The following PAX8 variants were observed in gnomAD, a reference collection of about 807,000 sequenced individuals.
PAX8 encodes paired box protein Pax-8.
In PAX8, 15 loss-of-function variants were observed where a neutral mutation model predicts 52.4. The observed-to-expected ratio is 0.29, with a 90% CI of 0.19 to 0.44. The LOEUF is 0.44. Among genes scored for constraint, PAX8 ranks in the 20% least tolerant of loss-of-function variants. The pLI is 1.00. For missense variants in PAX8, 554 were observed against 602.5 expected (o/e 0.92, Z 0.84); for synonymous variants, 284 against 249.7 (o/e 1.14, Z -1.29).
intron 10 of PAX8, among the ~76,000 whole-genome samples, chr2:113,221,012 G>A (rs1336618750): frequency 6.6e-6 from 1 of 152,096 alleles, no homozygotes; most frequent in South Asian, 2.1e-4. Context: ...AGCTACTACC[G>A]GTGCTTGGTA....
chr2:113,242,634 G>T, intron 5 of PAX8, 56 bp downstream of exon 5: 1 of 1,161,000 alleles, frequency 8.6e-7, no homozygotes, highest in Non-Finnish European at 1.3e-6. Flanking sequence ...ATGTGGGTAT[G>T]CTGAAGGGGA....
intron 2 of PAX8, among the ~76,000 whole-genome samples, chr2:113,262,507 A>C (rs1432772418): frequency 1.3e-5 from 2 of 152,198 alleles, no homozygotes; most frequent in Admixed American, 1.3e-4. Context: ...CTGAGAGTCA[A>C]GTCAGGGCTG....
At chr2:113,261,054 A>G (rs961440721) in intron 2 of PAX8, among the ~76,000 whole-genome samples, 7 of 152,240 alleles carry the variant, frequency 4.6e-5, no homozygotes, top group African/African-American at 1.7e-4. Flanking sequence ...AAAACCGTGC[A>G]TCTGTTGTTT....
At chr2:113,225,339 G>A (rs148423219) in intron 10 of PAX8, among the ~76,000 whole-genome samples, 189 of 152,246 alleles carry the variant, frequency 1.2e-3, no homozygotes, top group Admixed American at 3.1e-3. Flanking sequence ...TTAATTGCAG[G>A]AGTCCCCATT....
intron 7 of PAX8, chr2:113,237,995 G>T (rs1690506002): frequency 6.6e-6 from 1 of 151,756 alleles, no homozygotes; most frequent in Non-Finnish European, 1.5e-5. Flanking sequence ...AGCAATTATT[G>T]ACTAAATGGT....
intron 7 of PAX8, chr2:113,240,107 G>A (rs1475648094): frequency 4.6e-5 from 7 of 152,254 alleles, no homozygotes; most frequent in Admixed American, 4.6e-4. Flanking sequence ...TCACTGAGTG[G>A]CTGGTGCCTG....
chr2:113,245,351 C>T (rs1025767087), intron 3 of PAX8, among the ~76,000 whole-genome samples: 1 of 152,166 alleles, frequency 6.6e-6, no homozygotes, highest in African/African-American at 2.4e-5. Context: ...CAGCCAATGA[C>T]TGACTATTTT....
intron 2 of PAX8, among the ~76,000 whole-genome samples, chr2:113,250,503 C>T (rs1439319706): frequency 6.6e-6 from 1 of 152,122 alleles, no homozygotes; most frequent in South Asian, 2.1e-4. Flanking sequence ...GCACAATGCC[C>T]TAAGTTTCTG....
intron 9 of PAX8, among the ~76,000 whole-genome samples, chr2:113,231,055 GA>G (rs1283042526): frequency 1.3e-5 from 2 of 152,214 alleles, no homozygotes; most frequent in Non-Finnish European, 2.9e-5. Flanking sequence ...TTGCCTGGAG[GA>G]ATTCAGAGGG....
intron 3 of PAX8, among the ~76,000 whole-genome samples, chr2:113,245,701 C>G (rs1268165848): frequency 6.6e-6 from 1 of 152,174 alleles, no homozygotes. Context: ...ACTCTCTGCT[C>G]TCATCTGCAT....
At chr2:113,236,810 G>C in intron 7 of PAX8, 89 bp from the exon 8 acceptor site, 1 of 1,466,074 alleles carries the variant, frequency 6.8e-7, no homozygotes, top group South Asian at 1.3e-5. Flanking sequence ...GGACTTGGCA[G>C]CCCTCATCTC....
At position 113,225,824 on chromosome 2, in the gene PAX8, G is replaced by A. The variant is rs914999753; in HGVS notation, c.1189+1331C>T. The A allele has an allele frequency of 1.6e-5, 12 of 767,178 alleles. No homozygotes were observed. In the African/African-American group the frequency reaches 2.3e-4, roughly 14 times the overall value. The allele number at this position is 767,178 out of a possible 1,614,324, so 47.5% of individuals were successfully genotyped here. A position where few individuals can be genotyped will look rare whatever the true frequency, so the allele number is the denominator to read the frequency against. On this transcript the variant is annotated intron_variant, in intron 10 of 11. Coordinates refer to ENST00000429538, the MANE Select transcript of PAX8 (RefSeq NM_003466.4). ...AGGTGGAGGGGTTGGAAGGGGAATG[G>A]GGGGAACCGACTGGAGACTGGGATT... is the stretch of plus-strand genomic sequence containing the variant.
In PAX8 at chr2:113,236,590, G is replaced by C. The variant is rs377714129; in HGVS notation, c.898+11C>G. 6.4e-7 allele frequency: 1 copy of C among 1,560,518 alleles called. No individual in the cohort carries two copies. Among genetic ancestry groups the C allele is most frequent in the Admixed American group, 1.9e-5 (1 of 52,192 alleles). On this transcript the variant is annotated intron_variant, in intron 8 of 11. Transcript: ENST00000429538. ...GCCCTCCACCTGCCAGGGAGGCTCC[G>C]GGCGTTGTACCTGCCACCACGGGGT...
intron 10 of PAX8, among the ~76,000 whole-genome samples, chr2:113,222,315 A>C (rs1689319143): frequency 6.6e-6 from 1 of 152,176 alleles, no homozygotes; most frequent in African/African-American, 2.4e-5. Flanking sequence ...GACAAGGGAG[A>C]GAGGTGGAAA....
At position 113,233,753 on chromosome 2, in the gene PAX8, AG is replaced by A. The variant is rs1227769917; in HGVS notation, c.1087+1640del. Among the ~76,000 whole-genome samples the A allele has an allele frequency of 4.0e-5, 6 of 151,622 alleles. No homozygotes were observed. The East Asian group carries it at 1.2e-3, about 29-fold the overall frequency. On this transcript the variant is annotated intron_variant, in intron 9 of 11. Coordinates refer to ENST00000429538, the MANE Select transcript of PAX8 (RefSeq NM_003466.4). The stretch of plus-strand genomic sequence containing the variant: ...CCCTGTGGTTACTCTGGGCTTGTAG[AG>A]GTCTTAATCCTCTGGTGCAGTGGTT...
intron 9 of PAX8, among the ~76,000 whole-genome samples, chr2:113,228,809 C>G (rs1689731478): frequency 6.6e-6 from 1 of 152,168 alleles, no homozygotes; most frequent in African/African-American, 2.4e-5. Flanking sequence ...CAGTCCCCCC[C>G]AGGTCCTTCA....
intron 2 of PAX8, among the ~76,000 whole-genome samples, chr2:113,258,057 C>T (rs1278830370): frequency 6.6e-6 from 1 of 152,198 alleles, no homozygotes; most frequent in Non-Finnish European, 1.5e-5. Flanking sequence ...CCACCCCTGG[C>T]AGCAGCACTG....
chr2:113,235,336 A>G, intron 9 of PAX8, 58 bp downstream of exon 9: 1 of 1,438,766 alleles, frequency 7.0e-7, no homozygotes, highest in Non-Finnish European at 9.4e-7. Context: ...GTCTGCCCTG[A>G]GGACCCCCGT....
At position 113,217,809 on chromosome 2, in the gene PAX8, C is replaced by G. The variant is rs746794385; in HGVS notation, c.*724G>C. On this transcript the variant is annotated 3_prime_UTR_variant, in exon 12 of 12. Coordinates refer to ENST00000429538, the MANE Select transcript of PAX8 (RefSeq NM_003466.4). ...AGCTCCCTGGGGCTGGCCTGGCTGA[C>G]GGCAGCTGCCAAGGGGATGCCGCAC... 2 of 233,214 alleles carry G rather than the reference C, an allele frequency of 8.6e-6. No homozygotes were observed. Among genetic ancestry groups the G allele is most frequent in the Non-Finnish European group, 1.7e-5 (2 of 118,186 alleles). 14.4% of individuals were successfully genotyped at this position (233,214 alleles called of 1,614,324 possible).
Sources: gnomAD v4.1 joint callset for allele counts (sites outside exome capture counted in the v4.1 genomes callset) on GRCh38, gnomAD v4.1.1 for gene constraint, MANE v1.5 for transcripts, NCBI Gene and HGNC (gene_info 2026-07-23, HGNC 2026-07-21) for gene names.